MAST4: variants seen among roughly 807,000 people sequenced by gnomAD.
MAST4 encodes the protein microtubule associated serine/threonine kinase family member 4.
Under a neutral mutation model 162.7 loss-of-function variants are expected in MAST4, and 89 were observed. The observed-to-expected ratio is 0.55, with a 90% CI of 0.46 to 0.65. MAST4 has a LOEUF of 0.65. Ranked by LOEUF, MAST4 falls within the 30% of genes least tolerant of loss-of-function variation. The pLI is 0.00. For synonymous variants in MAST4, 1,479 were observed against 1,361.1 expected (o/e 1.09, Z -1.91); for missense variants, 3,153 against 3,374.0 (o/e 0.93, Z 1.62).
rs1355082 is a variant in MAST4 at position 67,023,201 on chromosome 5, A to G, written c.675-31203A>G. On this transcript the variant is annotated intron_variant, in intron 4 of 28. Transcript: ENST00000403625. ...TAATCTAAGTTACATATTCCATTGT[A>G]TATATGTTATTGTCCAGCTTAGCTT... 6.6e-5 allele frequency among the ~76,000 whole-genome samples: 10 copies of G among 152,278 alleles called. No individual in the cohort carries two copies. In the East Asian group the frequency reaches 1.9e-3, roughly 29 times the overall value.
chr5:66,815,895 T>A (rs374895660), intron 3 of MAST4, among the ~76,000 whole-genome samples: 6 of 152,142 alleles, frequency 3.9e-5, no homozygotes, highest in Admixed American at 3.9e-4. Context: ...TCAGGTAAAG[T>A]ATGGAATCAT....
At chr5:66,737,143 G>T (rs1752203391) in intron 1 of MAST4, among the ~76,000 whole-genome samples, 1 of 152,148 alleles carries the variant, frequency 6.6e-6, no homozygotes, top group South Asian at 2.1e-4. Flanking sequence ...TAGCTTAGCT[G>T]GTTGGGTGGC....
rs917847318 is a variant in MAST4, at chr5:66,902,953, C to G, written c.674+2971C>G. On this transcript the variant is annotated intron_variant, in intron 4 of 28. Coordinates refer to ENST00000403625, the MANE Select transcript of MAST4 (RefSeq NM_001164664.2). ...CTACCTGTCAAAATCGTGATATAGT[C>G]AGATAATGAAATATTATACAGCAGG... is the stretch of plus-strand genomic sequence containing the variant. Among the ~76,000 whole-genome samples the G allele has an allele frequency of 3.3e-5, 5 of 152,048 alleles. No individual in the cohort carries two copies. The East Asian group carries it at 9.7e-4, about 29-fold the overall frequency.
At chr5:66,833,945 C>G (rs1757781127) in intron 3 of MAST4, among the ~76,000 whole-genome samples, 1 of 152,062 alleles carries the variant, frequency 6.6e-6, no homozygotes. Flanking sequence ...CTCCCATGTC[C>G]ACGTCTGTAA....
rs146024121 is a variant in MAST4 at position 66,639,915 on chromosome 5, A to G, written c.363+42897A>G. ...TACAGTGAAGCCAATTGATATATCT[A>G]TCATCTCACATGGTTACCTTTTTTG... On this transcript the variant is annotated intron_variant, in intron 1 of 28. Transcript: ENST00000403625. Among the ~76,000 whole-genome samples the G allele has an allele frequency of 6.8e-3, 1,039 of 152,286 alleles. 3 individuals are homozygous for G. Among genetic ancestry groups the G allele is most frequent in the South Asian group, 0.028 (137 of 4,828 alleles).
intron 1 of MAST4, among the ~76,000 whole-genome samples, chr5:66,667,450 C>T (rs1324902288): frequency 1.3e-5 from 2 of 152,268 alleles, no homozygotes; most frequent in South Asian, 2.1e-4. Flanking sequence ...GATTCAGTCG[C>T]ATTTTAGGAT....
chr5:66,945,835 A>C (rs1743960401), intron 4 of MAST4, among the ~76,000 whole-genome samples: 1 of 152,148 alleles, frequency 6.6e-6, no homozygotes, highest in African/African-American at 2.4e-5. Flanking sequence ...TTAAACTTGC[A>C]CATAACTTGC....
In MAST4 at chr5:67,162,803, T is replaced by C. The variant is rs1234710108; in HGVS notation, c.3967+15T>C. The stretch of plus-strand genomic sequence containing the variant: ...CTTCCCATCTGGTGAGTGAGTCTCC[T>C]GGTCTAAACAGCAGAGGGGAGGGGA... On this transcript the variant is annotated intron_variant, in intron 28 of 28. Transcript: ENST00000403625. 3.7e-6 allele frequency: 6 copies of C among 1,611,920 alleles called. No homozygotes were observed. Among genetic ancestry groups the C allele is most frequent in the Non-Finnish European group, 5.1e-6 (6 of 1,178,722 alleles).
intron 11 of MAST4, among the ~76,000 whole-genome samples, chr5:67,112,467 A>G (rs1222236542): frequency 1.3e-5 from 2 of 152,186 alleles, no homozygotes; most frequent in African/African-American, 4.8e-5. Context: ...TTCCAATGCC[A>G]GTCGCAAGCT....
Position 66,658,543 on chromosome 5 carries a change from GTATTGT to G in MAST4, c.363+61528_363+61533del, listed in dbSNP as rs542951752. Among the ~76,000 whole-genome samples the G allele has an allele frequency of 2.4e-4, 36 of 152,304 alleles. 1 individual carries two copies. In the South Asian group the frequency reaches 7.5e-3, roughly 32 times the overall value. On this transcript the variant is annotated intron_variant, in intron 1 of 28. Coordinates refer to ENST00000403625, the MANE Select transcript of MAST4 (RefSeq NM_001164664.2). ...CACTTTACTGAGAAAAGAATAACCA[GTATTGT>G]TAAAATGAATTTGCAGAAAAGCAGC...
chr5:66,841,868 T>G (rs1326906266), intron 3 of MAST4, among the ~76,000 whole-genome samples: 1 of 152,202 alleles, frequency 6.6e-6, no homozygotes, highest in Admixed American at 6.5e-5. Context: ...TTTACTCATT[T>G]CTTTAAGCTG....
At chr5:66,912,045 G>A (rs1170046735) in intron 4 of MAST4, among the ~76,000 whole-genome samples, 1 of 152,182 alleles carries the variant, frequency 6.6e-6, no homozygotes, top group Admixed American at 6.5e-5. Flanking sequence ...AGAGGGGTCA[G>A]CTTTGAGGCA....
At chr5:66,931,870 G>A (rs1212419990) in intron 4 of MAST4, among the ~76,000 whole-genome samples, 1 of 152,122 alleles carries the variant, frequency 6.6e-6, no homozygotes, top group Non-Finnish European at 1.5e-5. Flanking sequence ...ATCCCGTAGT[G>A]TGATCTCACC....
intron 2 of MAST4, among the ~76,000 whole-genome samples, chr5:66,784,189 T>A (rs1755005212): frequency 6.8e-6 from 1 of 146,920 alleles, no homozygotes; most frequent in South Asian, 2.3e-4. Flanking sequence ...GTCCCTGACC[T>A]GGGCCATAGG....
chr5:66,969,397 C>T (rs1162364500), intron 4 of MAST4, among the ~76,000 whole-genome samples: 2 of 152,316 alleles, frequency 1.3e-5, no homozygotes, highest in South Asian at 2.1e-4. Flanking sequence ...CTTGAACGCT[C>T]ATTGTCTTTA....
chr5:66,963,588 G>A (rs1746286365), intron 4 of MAST4: 1 of 697,694 alleles, frequency 1.4e-6, no homozygotes, highest in Non-Finnish European at 2.6e-6. Flanking sequence ...TTACCTAGTG[G>A]TGTAGATAAG....
At chr5:67,059,924 C>T (rs766364901) in intron 5 of MAST4, among the ~76,000 whole-genome samples, 14 of 152,096 alleles carry the variant, frequency 9.2e-5, no homozygotes, top group Non-Finnish European at 1.6e-4. Flanking sequence ...CAAAACAAAA[C>T]ATCCCGAATC....
chr5:66,914,149 A>T (rs1013620154), intron 4 of MAST4, among the ~76,000 whole-genome samples: 2 of 152,124 alleles, frequency 1.3e-5, no homozygotes, highest in Non-Finnish European at 2.9e-5. Context: ...CAAAAAAAAA[A>T]GCCTGTTGAT....
intron 2 of MAST4, among the ~76,000 whole-genome samples, chr5:66,780,832 A>G (rs1207735074): frequency 6.6e-6 from 1 of 152,132 alleles, no homozygotes; most frequent in African/African-American, 2.4e-5. Context: ...CAGAGTGCGG[A>G]TTGGCGCATT....
Sources: allele counts gnomAD v4.1 joint callset (sites outside exome capture counted in the v4.1 genomes callset), GRCh38; gene constraint gnomAD v4.1.1; transcripts MANE v1.5; gene names NCBI Gene and HGNC (gene_info 2026-07-23, HGNC 2026-07-21).